Variants in DPP10 observed in about 807,000 individuals in gnomAD.
DPP10 encodes inactive dipeptidyl peptidase 10.
A neutral mutation model predicts 120.9 loss-of-function variants in DPP10; 33 were observed. That is an observed-to-expected ratio of 0.27 (90% CI 0.21 to 0.37). DPP10 has a LOEUF of 0.37. DPP10 is among the 10% of genes least tolerant of loss of function. DPP10 has a pLI of 1.00. For missense variants in DPP10, 816 were observed against 942.8 expected, an observed-to-expected ratio of 0.87 and a Z score of 1.76; for synonymous variants, 337 against 326.1, an observed-to-expected ratio of 1.03 and a Z score of -0.36.
chr2:114,732,496 A>G (rs1028209358), intron 1 of DPP10, among the ~76,000 whole-genome samples: 1 of 152,218 alleles, frequency 6.6e-6, no homozygotes, highest in Non-Finnish European at 1.5e-5. Context: ...AAATGGGGAA[A>G]GATCATGCTA....
At chr2:114,983,622 A>AGG (rs1242617322) in intron 1 of DPP10, among the ~76,000 whole-genome samples, 5 of 152,106 alleles carry the variant, frequency 3.3e-5, no homozygotes, top group Non-Finnish European at 7.3e-5. Flanking sequence ...GTTATATAAA[A>AGG]CTCAGAGCTG....
At chr2:115,107,930 T>A (rs1484210506) in intron 1 of DPP10, among the ~76,000 whole-genome samples, 1 of 152,172 alleles carries the variant, frequency 6.6e-6, no homozygotes, top group Admixed American at 6.5e-5. Context: ...ACCTTTATTT[T>A]TTTCCAAATT....
intron 1 of DPP10, among the ~76,000 whole-genome samples, chr2:114,645,740 C>A (rs962381279): frequency 6.6e-6 from 1 of 152,136 alleles, no homozygotes; most frequent in Non-Finnish European, 1.5e-5. Context: ...CTTGCCAAGG[C>A]AAGGGCTCTG....
intron 1 of DPP10, among the ~76,000 whole-genome samples, chr2:115,284,558 A>G (rs2060288568): frequency 6.6e-6 from 1 of 152,040 alleles, no homozygotes; most frequent in South Asian, 2.1e-4. Flanking sequence ...ATGTTAGAAC[A>G]GGACAAGACT....
intron 1 of DPP10, among the ~76,000 whole-genome samples, chr2:115,186,249 T>C (rs533762673): frequency 1.3e-5 from 2 of 152,224 alleles, no homozygotes; most frequent in African/African-American, 2.4e-5. Flanking sequence ...CCCATTTCTA[T>C]GTGGAAGTTC....
chr2:115,241,192 C>T lies in DPP10; in HGVS notation c.61-68047C>T, dbSNP rs561064698. On this transcript the variant is annotated intron_variant, in intron 1 of 25. Transcript: ENST00000410059. ...GCTGAGACAGGAGAATTGCTTGAAC[C>T]CGGGAGGCGGAGGTTCCAGTGAGCT... 1.1e-3 allele frequency among the ~76,000 whole-genome samples: 166 copies of T among 152,256 alleles called. 1 individual carries two copies. Among genetic ancestry groups the T allele is most frequent in the Non-Finnish European group, 1.9e-3 (128 of 68,016 alleles).
chr2:114,468,425 C>T (rs1391238626), intron 1 of DPP10, among the ~76,000 whole-genome samples: 2 of 118,558 alleles, frequency 1.7e-5, no homozygotes, highest in Non-Finnish European at 3.5e-5. Context: ...AAAAAAATTA[C>T]AGGATAAAAG....
At chr2:115,815,295 T>G in intron 20 of DPP10, among the ~76,000 whole-genome samples, 1 of 152,220 alleles carries the variant, frequency 6.6e-6, no homozygotes, top group East Asian at 1.9e-4. Context: ...TATCCTCAGT[T>G]AATCACAATT....
At chr2:114,769,381 G>A (rs918908003) in intron 1 of DPP10, among the ~76,000 whole-genome samples, 1 of 152,066 alleles carries the variant, frequency 6.6e-6, no homozygotes, top group African/African-American at 2.4e-5. Context: ...AGAAGCCTCC[G>A]CAAGCTAGTG....
At chr2:114,993,580 G>GTGTGTATATATATATATATATATATA (rs71394121) in intron 1 of DPP10, among the ~76,000 whole-genome samples, 1 of 97,326 alleles carries the variant, frequency 1.0e-5, no homozygotes, top group African/African-American at 3.7e-5. Flanking sequence ...GTGTGTGTGT[G>GTGTGTATATATATATATATATATATA]TATATATATA....
At chr2:115,611,903 A>G in intron 5 of DPP10, among the ~76,000 whole-genome samples, 1 of 152,134 alleles carries the variant, frequency 6.6e-6, no homozygotes, top group Non-Finnish European at 1.5e-5. Flanking sequence ...GTGTTACTCA[A>G]GTTTGAATAG....
intron 24 of DPP10, among the ~76,000 whole-genome samples, chr2:115,837,985 A>C (rs547923166): frequency 6.6e-6 from 1 of 152,286 alleles, no homozygotes; most frequent in East Asian, 1.9e-4. Context: ...CAACAAGAAA[A>C]ACTAGTGCAC....
rs150632332 is a variant in DPP10, at chr2:114,681,466, T to C, written c.60+238628T>C. ...TATCATCTATTTCATAGGGACCAGATAGAGCCATAAGTTTACATGAGGAAA... is the reference window on the plus strand; with the variant it reads ...TATCATCTATTTCATAGGGACCAGACAGAGCCATAAGTTTACATGAGGAAA... On this transcript the variant is annotated intron_variant, in intron 1 of 25. Transcript: ENST00000410059. 2.2e-3 allele frequency among the ~76,000 whole-genome samples: 335 copies of C among 152,074 alleles called. 2 individuals are homozygous for C. The highest frequency in any genetic ancestry group is 7.4e-3 in the African/African-American group (307 of 41,542).
intron 5 of DPP10, among the ~76,000 whole-genome samples, chr2:115,635,659 T>A (rs1166158149): frequency 6.6e-6 from 1 of 152,136 alleles, no homozygotes; most frequent in African/African-American, 2.4e-5. Context: ...TAAGAAAGGT[T>A]ATTTGGAGAG....
intron 1 of DPP10, among the ~76,000 whole-genome samples, chr2:115,073,371 G>A (rs556107431): frequency 6.6e-6 from 1 of 152,360 alleles, no homozygotes; most frequent in African/African-American, 2.4e-5. Flanking sequence ...CATAGCCAAA[G>A]TGGAGGATCC....
At chr2:115,312,624 C>G (rs2061628764) in intron 2 of DPP10, among the ~76,000 whole-genome samples, 1 of 152,136 alleles carries the variant, frequency 6.6e-6, no homozygotes, top group African/African-American at 2.4e-5. Flanking sequence ...GCCTGCAGTG[C>G]TCCAACTGCA....
At chr2:115,298,985 A>G (rs893017536) in intron 1 of DPP10, among the ~76,000 whole-genome samples, 10 of 152,006 alleles carry the variant, frequency 6.6e-5, no homozygotes, top group Non-Finnish European at 1.5e-4. Context: ...AATGGCATGA[A>G]TCTCATGGGC....
intron 1 of DPP10, among the ~76,000 whole-genome samples, chr2:115,054,542 A>T (rs1705748568): frequency 6.6e-6 from 1 of 152,200 alleles, no homozygotes; most frequent in African/African-American, 2.4e-5. Flanking sequence ...CTAAAGCTGG[A>T]ACTAAACAAC....
intron 1 of DPP10, among the ~76,000 whole-genome samples, chr2:114,709,072 C>A (rs1050457930): frequency 1.3e-5 from 2 of 152,102 alleles, no homozygotes; most frequent in African/African-American, 4.8e-5. Context: ...CTTACTCTTT[C>A]ACTGCTCTAC....
Sources: gnomAD v4.1 joint callset for allele counts (sites outside exome capture counted in the v4.1 genomes callset) on GRCh38, gnomAD v4.1.1 for gene constraint, MANE v1.5 for transcripts, NCBI Gene and HGNC (gene_info 2026-07-23, HGNC 2026-07-21) for gene names.